DCAF12: variants seen among roughly 807,000 people sequenced by gnomAD.
DCAF12 encodes the protein DDB1- and CUL4-associated factor 12.
Under a neutral mutation model 52.8 loss-of-function variants are expected in DCAF12, and 28 were observed. The observed-to-expected ratio is 0.53, with a 90% CI of 0.39 to 0.73. The LOEUF is 0.73. Ranked by LOEUF, DCAF12 falls within the 30% of genes least tolerant of loss-of-function variation. DCAF12 has a pLI of 0.00. For synonymous variants in DCAF12, 196 were observed against 215.5 expected, an observed-to-expected ratio of 0.91 and a Z score of 0.79; for missense variants, 425 against 552.2, an observed-to-expected ratio of 0.77 and a Z score of 2.31.
chr9:34,112,694 T>C (rs990438544), intron 2 of DCAF12, among the ~76,000 whole-genome samples: 1 of 151,130 alleles, frequency 6.6e-6, no homozygotes. Context: ...AGGTTGGGAG[T>C]TCGAGACCAG....
intron 2 of DCAF12, chr9:34,109,883 T>C: frequency 4.0e-6 from 1 of 249,552 alleles, no homozygotes. Flanking sequence ...GTCTCGTCTG[T>C]GTTTTCTGTG....
chr9:34,102,764 C>A (rs1828849090), intron 4 of DCAF12, among the ~76,000 whole-genome samples: 2 of 151,942 alleles, frequency 1.3e-5, no homozygotes, highest in African/African-American at 4.8e-5. Flanking sequence ...GACAACTGAG[C>A]AACCTGCAGC....
chr9:34,099,775 G>A (rs1228801858), intron 4 of DCAF12, among the ~76,000 whole-genome samples: 1 of 151,256 alleles, frequency 6.6e-6, no homozygotes, highest in Admixed American at 6.6e-5. Context: ...TGTATTTTTA[G>A]TAGAGACGGC....
rs544575414 is a variant in DCAF12, at chr9:34,112,416, C to T, written c.334-4851G>A. Among the ~76,000 whole-genome samples the T allele has an allele frequency of 4.6e-5, 7 of 150,884 alleles. No homozygotes were observed. The East Asian group carries it at 9.8e-4, about 21-fold the overall frequency. ...TTCAAGACCAGCCTGGCCAACATGACGAAACCATCTCTACTAAAAATACAA... is the reference window on the plus strand; with the variant it reads ...TTCAAGACCAGCCTGGCCAACATGATGAAACCATCTCTACTAAAAATACAA... On this transcript the variant is annotated intron_variant, in intron 2 of 8. Coordinates refer to ENST00000361264, the MANE Select transcript of DCAF12 (RefSeq NM_015397.4).
intron 4 of DCAF12, among the ~76,000 whole-genome samples, chr9:34,102,407 A>AACT (rs1302087389): frequency 6.6e-6 from 1 of 152,220 alleles, no homozygotes; most frequent in Non-Finnish European, 1.5e-5. Context: ...TCACGCCTGT[A>AACT]ACCCCAGAAC....
chr9:34,111,495 CAATTCT>C (rs1331205412), intron 2 of DCAF12, among the ~76,000 whole-genome samples: 2 of 152,174 alleles, frequency 1.3e-5, no homozygotes, highest in Non-Finnish European at 2.9e-5. Flanking sequence ...AACTCTCTCC[CAATTCT>C]AAGTGCAGAG....
chr9:34,106,876 C>T (rs1381058946), intron 3 of DCAF12, among the ~76,000 whole-genome samples: 1 of 152,174 alleles, frequency 6.6e-6, no homozygotes, highest in African/African-American at 2.4e-5. Context: ...TCTGATACAG[C>T]ATCCTCCACC....
intron 7 of DCAF12, chr9:34,089,907 A>G (rs1327788233): frequency 1.3e-5 from 3 of 234,472 alleles, no homozygotes; most frequent in Non-Finnish European, 2.5e-5. Context: ...CTTCCTCTCA[A>G]CTCACTCTGG....
At chr9:34,097,080 C>G (rs941399725) in intron 5 of DCAF12, among the ~76,000 whole-genome samples, 1 of 152,018 alleles carries the variant, frequency 6.6e-6, no homozygotes. Flanking sequence ...AGGACAGTTT[C>G]ATAATCTAGT....
chr9:34,123,264 C>G (rs1173088180), intron 2 of DCAF12, among the ~76,000 whole-genome samples: 1 of 152,162 alleles, frequency 6.6e-6, no homozygotes, highest in Non-Finnish European at 1.5e-5. Context: ...AAAGACAATT[C>G]CAATTTTTAA....
At chr9:34,099,429 A>G (rs544968837) in intron 4 of DCAF12, among the ~76,000 whole-genome samples, 1 of 151,710 alleles carries the variant, frequency 6.6e-6, no homozygotes, top group Non-Finnish European at 1.5e-5. Flanking sequence ...ATTGGGTTTC[A>G]CCATATTGGC....
At position 34,086,620 on chromosome 9, in the gene DCAF12, TAA is replaced by T. The variant is rs1344048681; in HGVS notation, c.*1728_*1729del. The stretch of plus-strand genomic sequence containing the variant: ...TGTAGTTTAATAATAGAAAAAAAAT[TAA>T]GACAATTAAAAGATCTATAGCATCC... On this transcript the variant is annotated 3_prime_UTR_variant, in exon 9 of 9. Transcript: ENST00000361264. 1.3e-5 allele frequency: 2 copies of T among 151,952 alleles called. No individual in the cohort carries two copies. Among genetic ancestry groups the T allele is most frequent in the African/African-American group, 2.4e-5 (1 of 41,372 alleles). The allele number at this position is 151,952 out of a possible 1,614,324, so 9.4% of individuals were successfully genotyped here.
chr9:34,123,053 A>C (rs1405418351), intron 2 of DCAF12, among the ~76,000 whole-genome samples: 1 of 152,168 alleles, frequency 6.6e-6, no homozygotes, highest in African/African-American at 2.4e-5. Flanking sequence ...TAAAAATATG[A>C]CTTTATTGTT....
chr9:34,113,466 A>G (rs1452324121), intron 2 of DCAF12, among the ~76,000 whole-genome samples: 2 of 151,958 alleles, frequency 1.3e-5, no homozygotes, highest in Admixed American at 1.3e-4. Context: ...CAGCCTCCCA[A>G]GTCGCTGGGA....
chr9:34,103,102 A>C (rs1445488728), intron 4 of DCAF12, among the ~76,000 whole-genome samples: 1 of 71,516 alleles, frequency 1.4e-5, no homozygotes, highest in East Asian at 3.3e-4. Context: ...CTCCAAAAAA[A>C]AAAAAAAAAA....
chr9:34,089,658 A>G (rs1828614468), intron 7 of DCAF12, 68 bp from the exon 8 acceptor site: 2 of 1,472,932 alleles, frequency 1.4e-6, no homozygotes, highest in South Asian at 2.7e-5. Flanking sequence ...GCTAGCCTGA[A>G]TTTCTCCAAC....
rs565077030 is a variant in DCAF12, at chr9:34,106,303, A to C, written c.601+131T>G. The C allele has an allele frequency of 3.6e-5, 24 of 669,616 alleles. No individual in the cohort carries two copies. The African/African-American group carries it at 3.8e-4, about 11-fold the overall frequency. The allele number at this position is 669,616 out of a possible 1,614,324, so 41.5% of individuals were successfully genotyped here. On this transcript the variant is annotated intron_variant, in intron 4 of 8. Transcript: ENST00000361264. ...AGTGATCCACCCACCTCAGCCTCCC[A>C]AAGTGCTGGGATTATAGGCGTGAGT...
intron 2 of DCAF12, among the ~76,000 whole-genome samples, chr9:34,120,355 G>A (rs531695823): frequency 7.9e-5 from 12 of 151,858 alleles, no homozygotes; most frequent in Admixed American, 5.3e-4. Context: ...ACTCCACCCT[G>A]AGTGCAAAAT....
Position 34,099,947 on chromosome 9 carries a change from C to T in DCAF12, c.602-1430G>A, listed in dbSNP as rs184061996. 2.1e-4 allele frequency among the ~76,000 whole-genome samples: 32 copies of T among 152,278 alleles called. No homozygotes were observed. The East Asian group carries it at 6.0e-3, about 28-fold the overall frequency. On this transcript the variant is annotated intron_variant, in intron 4 of 8. Coordinates refer to ENST00000361264, the MANE Select transcript of DCAF12 (RefSeq NM_015397.4). ...TAGGTCTCTTGGCATGCATCCACAG[C>T]TGACTTTTAGTGGGCAGTAGGGCTT...
Sources: gnomAD v4.1 joint callset for allele counts (sites outside exome capture counted in the v4.1 genomes callset) on GRCh38, gnomAD v4.1.1 for gene constraint, MANE v1.5 for transcripts, NCBI Gene and HGNC (gene_info 2026-07-23, HGNC 2026-07-21) for gene names.